The following ABCB1 variants were observed in gnomAD, a reference collection of about 807,000 sequenced individuals.
ABCB1 encodes the protein ATP-dependent translocase ABCB1.
ABCB1 carries 69 observed loss-of-function variants against 142.0 expected under a neutral mutation model. The observed-to-expected ratio is 0.49, with a 90% CI of 0.40 to 0.59. ABCB1 has a LOEUF of 0.59. Among genes scored for constraint, ABCB1 ranks in the 20% least tolerant of loss-of-function variants. ABCB1 has a pLI of 0.00. For missense variants in ABCB1, 1,326 were observed against 1,554.7 expected, an observed-to-expected ratio of 0.85 and a Z score of 2.47; for synonymous variants, 532 against 539.2, an observed-to-expected ratio of 0.99 and a Z score of 0.18.
rs138304391 is a variant in ABCB1, at chr7:87,647,020, A to G, written c.-330-45942T>C. Among the ~76,000 whole-genome samples the G allele has an allele frequency of 5.4e-3, 825 of 152,308 alleles. 7 individuals carry two copies. The highest frequency in any genetic ancestry group is 0.051 in the Middle Eastern group (15 of 294). ...ATACTATGTAGTTGAACATTAATCTATCTCAGCATTCCTCAATCAGGGTTC... is the reference window on the plus strand; with the variant it reads ...ATACTATGTAGTTGAACATTAATCTGTCTCAGCATTCCTCAATCAGGGTTC... On this transcript the variant is annotated intron_variant, in intron 1 of 28. Coordinates refer to the ABCB1 transcript ENST00000265724.
intron 1 of ABCB1, among the ~76,000 whole-genome samples, chr7:87,675,817 A>G (rs574726672): frequency 5.9e-5 from 9 of 152,172 alleles, no homozygotes; most frequent in Non-Finnish European, 1.2e-4. Context: ...AAAAGAAAAT[A>G]TAGGGGAAAA....
chr7:87,613,910 A>G (rs1819944746), intron 1 of ABCB1, among the ~76,000 whole-genome samples: 2 of 152,230 alleles, frequency 1.3e-5, no homozygotes, highest in Non-Finnish European at 2.9e-5. Context: ...TTAGTCAAAA[A>G]TGGATCTATA....
intron 1 of ABCB1, among the ~76,000 whole-genome samples, chr7:87,631,752 G>C (rs1039669061): frequency 6.6e-6 from 1 of 152,108 alleles, no homozygotes. Flanking sequence ...GAAAGAAGTT[G>C]ATCTGGTGGA....
intron 8 of ABCB1, 115 bp downstream of exon 8, chr7:87,561,148 T>C (rs1817547876): frequency 8.2e-7 from 1 of 1,215,442 alleles, no homozygotes; most frequent in East Asian, 2.4e-5. Flanking sequence ...TCCATTAAGC[T>C]ATTTAAGAAA....
At chr7:87,645,243 C>T (rs942959718) in intron 1 of ABCB1, among the ~76,000 whole-genome samples, 1 of 151,982 alleles carries the variant, frequency 6.6e-6, no homozygotes, top group Non-Finnish European at 1.5e-5. Flanking sequence ...CCACCACAAC[C>T]AGCTAATTTT....
At chr7:87,565,199 A>C (rs1259833710) in intron 7 of ABCB1, among the ~76,000 whole-genome samples, 1 of 152,224 alleles carries the variant, frequency 6.6e-6, no homozygotes, top group African/African-American at 2.4e-5. Flanking sequence ...ACAGTTTCTT[A>C]ATACTTACTA....
intron 1 of ABCB1, 132 bp from the exon 2 acceptor site, chr7:87,600,322 T>C: frequency 1.3e-6 from 1 of 755,738 alleles, no homozygotes. Context: ...CCCCAGCTGC[T>C]CTGGCCGCGA....
intron 1 of ABCB1, among the ~76,000 whole-genome samples, chr7:87,676,218 C>A (rs528924399): frequency 2.6e-5 from 4 of 152,132 alleles, no homozygotes; most frequent in East Asian, 3.9e-4. Context: ...TAGAACAAGA[C>A]CCTGTCTAAA....
chr7:87,589,436 T>C (rs1818893559), intron 3 of ABCB1, among the ~76,000 whole-genome samples: 1 of 152,128 alleles, frequency 6.6e-6, no homozygotes, highest in South Asian at 2.1e-4. Flanking sequence ...AAAAACGTTG[T>C]AACACAGGTG....
chr7:87,691,492 G>C (rs923558855), intron 1 of ABCB1, among the ~76,000 whole-genome samples: 1 of 152,050 alleles, frequency 6.6e-6, no homozygotes, highest in African/African-American at 2.4e-5. Context: ...AAGCTACATA[G>C]TGTTAAATAC....
chr7:87,524,337 A>G (rs912704803), intron 21 of ABCB1, among the ~76,000 whole-genome samples: 6 of 152,220 alleles, frequency 3.9e-5, no homozygotes, highest in African/African-American at 1.4e-4. Flanking sequence ...TCTTTTACAC[A>G]TTATAAAAAT....
chr7:87,540,207 C>T (rs1224395681), intron 18 of ABCB1, among the ~76,000 whole-genome samples: 1 of 152,132 alleles, frequency 6.6e-6, no homozygotes. Context: ...TTACAGGTGG[C>T]TAATCATTCA....
chr7:87,520,562 C>T (rs1162780915), intron 22 of ABCB1, among the ~76,000 whole-genome samples: 1 of 152,152 alleles, frequency 6.6e-6, no homozygotes, highest in African/African-American at 2.4e-5. Flanking sequence ...TCATCAGTGA[C>T]CCATTCTTAC....
At chr7:87,574,757 T>A (rs1373392264) in intron 4 of ABCB1, among the ~76,000 whole-genome samples, 2 of 152,216 alleles carry the variant, frequency 1.3e-5, no homozygotes, top group Non-Finnish European at 2.9e-5. Flanking sequence ...GAGTGACTCA[T>A]CTTGCAATAG....
At chr7:87,712,929 G>C (rs917217852) in intron 1 of ABCB1, among the ~76,000 whole-genome samples, 1 of 152,024 alleles carries the variant, frequency 6.6e-6, no homozygotes, top group African/African-American at 2.4e-5. Context: ...TCTTAAGAAA[G>C]GAAGTAAGTA....
chr7:87,515,418 T>C lies in ABCB1; in HGVS notation c.3095A>G (p.Glu1032Gly), dbSNP rs769980649. The C allele has an allele frequency of 6.2e-7, 1 of 1,614,124 alleles. No individual in the cohort carries two copies. The highest frequency in any genetic ancestry group is 1.1e-5 in the South Asian group (1 of 91,078). Residue 1032 changes from glutamate (E) to glycine (G), a missense_variant, in exon 25 of 28, where the codon GAA (glutamate) becomes GGA (glycine). Coordinates refer to ENST00000622132, the MANE Select transcript of ABCB1 (RefSeq NM_001348946.2). ...STEGLMPNTLEGNVTFGEVVF... is the reference protein window; with the variant it reads ...STEGLMPNTLGGNVTFGEVVF... ...AACTTCACCAAATGTGACATTTCCT[T>C]CCAATGTGTTCTGCAATGAGAAGAA...
intron 1 of ABCB1, among the ~76,000 whole-genome samples, chr7:87,702,313 C>G (rs1019698438): frequency 2.0e-5 from 3 of 151,366 alleles, no homozygotes; most frequent in Non-Finnish European, 4.4e-5. Flanking sequence ...GGGTCTTGCT[C>G]TGTTGCCCAG....
intron 2 of ABCB1, among the ~76,000 whole-genome samples, chr7:87,597,675 A>T (rs1397188594): frequency 2.0e-5 from 3 of 152,134 alleles, no homozygotes; most frequent in Non-Finnish European, 4.4e-5. Context: ...AAAAAGTGGA[A>T]TACCTACCCT....
In ABCB1 at chr7:87,503,966, G is replaced by T; in HGVS notation, c.*277C>A. The T allele has an allele frequency of 2.1e-6, 1 of 476,986 alleles. No individual in the cohort carries two copies. Among genetic ancestry groups the T allele is most frequent in the Non-Finnish European group, 3.8e-6 (1 of 265,096 alleles). The allele number at this position is 476,986 out of a possible 1,614,324, so 29.5% of individuals were successfully genotyped here. The stretch of plus-strand genomic sequence containing the variant: ...CAAGGCAGTCAGTTACAGTCCAAAT[G>T]GGAAAATATAAACAAAATTACACAT... On this transcript the variant is annotated 3_prime_UTR_variant, in exon 28 of 28. Coordinates refer to ENST00000622132, the MANE Select transcript of ABCB1 (RefSeq NM_001348946.2).
Sources: gnomAD v4.1 joint callset for allele counts (sites outside exome capture counted in the v4.1 genomes callset) on GRCh38, gnomAD v4.1.1 for gene constraint, MANE v1.5 for transcripts, NCBI Gene and HGNC (gene_info 2026-07-23, HGNC 2026-07-21) for gene names.